The following RPH3A variants were observed in gnomAD, a reference collection of about 807,000 sequenced individuals.
RPH3A encodes the protein rabphilin 3A, also known as rabphilin-3A.
RPH3A carries 48 observed loss-of-function variants against 102.2 expected under a neutral mutation model. That is an observed-to-expected ratio of 0.47 (90% CI 0.37 to 0.60). The LOEUF is 0.60. Ranked by LOEUF, RPH3A falls within the 20% of genes least tolerant of loss-of-function variation. RPH3A has a pLI of 0.00. For synonymous variants in RPH3A, 310 were observed against 324.3 expected, an observed-to-expected ratio of 0.96 and a Z score of 0.47; for missense variants, 781 against 910.1, an observed-to-expected ratio of 0.86 and a Z score of 1.83.
intron 1 of RPH3A, among the ~76,000 whole-genome samples, chr12:112,706,843 A>G (rs1249547851): frequency 6.6e-6 from 1 of 152,188 alleles, no homozygotes; most frequent in Non-Finnish European, 1.5e-5. Flanking sequence ...AACAGACTTA[A>G]GCTTACTCCT....
intron 1 of RPH3A, among the ~76,000 whole-genome samples, chr12:112,688,549 C>A (rs765799434): frequency 6.6e-6 from 1 of 152,046 alleles, no homozygotes; most frequent in East Asian, 1.9e-4. Context: ...AACACACATA[C>A]CTGTTAAAGC....
chr12:112,765,923 T>C (rs945604203), intron 1 of RPH3A, among the ~76,000 whole-genome samples: 1 of 152,238 alleles, frequency 6.6e-6, no homozygotes, highest in Non-Finnish European at 1.5e-5. Flanking sequence ...GCAGGAACTA[T>C]GGCTGGGCTT....
At chr12:112,777,147 T>C (rs2040974189) in intron 1 of RPH3A, among the ~76,000 whole-genome samples, 1 of 152,188 alleles carries the variant, frequency 6.6e-6, no homozygotes, top group African/African-American at 2.4e-5. Context: ...AGAGATAATA[T>C]TAGCACCTAC....
rs185379127 is a variant in RPH3A at position 112,580,472 on chromosome 12, C to T, written c.-140+5153C>T. ...AGGCTGGAGTGCAGTGGCGCGATCT[C>T]GGCTCACTGCAAGCTCCGCCTCCCG... On this transcript the variant is annotated intron_variant, in intron 1 of 21. Coordinates refer to the RPH3A transcript ENST00000543106. Among the ~76,000 whole-genome samples the T allele has an allele frequency of 6.0e-3, 852 of 141,482 alleles. 11 individuals carry two copies. The highest frequency in any genetic ancestry group is 0.021 in the African/African-American group (801 of 38,420). The allele number at this position is 141,482 out of a possible 152,430, so 92.8% of individuals were successfully genotyped here.
At chr12:112,667,212 T>C (rs917317255) in intron 1 of RPH3A, among the ~76,000 whole-genome samples, 1 of 152,214 alleles carries the variant, frequency 6.6e-6, no homozygotes, top group Non-Finnish European at 1.5e-5. Context: ...TTTTAAATGC[T>C]ATGGATGTGC....
intron 4 of RPH3A, among the ~76,000 whole-genome samples, chr12:112,838,575 G>A (rs1402608896): frequency 6.6e-6 from 1 of 152,180 alleles, no homozygotes; most frequent in African/African-American, 2.4e-5. Context: ...GGAAGGGAGG[G>A]GGAGAAGAAG....
At chr12:112,713,775 T>A (rs1565857898) in intron 1 of RPH3A, among the ~76,000 whole-genome samples, 1 of 152,136 alleles carries the variant, frequency 6.6e-6, no homozygotes, top group South Asian at 2.1e-4. Context: ...ACTCAAGGGA[T>A]GGTGTAAGTG....
intron 1 of RPH3A, among the ~76,000 whole-genome samples, chr12:112,606,688 A>C (rs905616459): frequency 6.6e-6 from 1 of 152,198 alleles, no homozygotes; most frequent in Non-Finnish European, 1.5e-5. Context: ...AGGGCTCAGG[A>C]AACTTACAAT....
intron 2 of RPH3A, among the ~76,000 whole-genome samples, chr12:112,810,358 C>T (rs1022709600): frequency 6.6e-6 from 1 of 152,240 alleles, no homozygotes; most frequent in African/African-American, 2.4e-5. Context: ...TCACCCTTAG[C>T]TCGCTGCAGA....
chr12:112,684,831 G>C (rs1466024564), intron 1 of RPH3A, among the ~76,000 whole-genome samples: 1 of 152,160 alleles, frequency 6.6e-6, no homozygotes, highest in African/African-American at 2.4e-5. Flanking sequence ...ATTGCTCACA[G>C]GTCTGTAGGC....
At chr12:112,667,932 G>A (rs2040099574) in intron 1 of RPH3A, among the ~76,000 whole-genome samples, 1 of 152,138 alleles carries the variant, frequency 6.6e-6, no homozygotes, top group African/African-American at 2.4e-5. Flanking sequence ...TTGAATGAAT[G>A]GATGGCAAGT....
intron 1 of RPH3A, among the ~76,000 whole-genome samples, chr12:112,761,286 A>T (rs2136066822): frequency 6.6e-6 from 1 of 152,340 alleles, no homozygotes. Flanking sequence ...ATTTACATCA[A>T]CAGAGAGCAA....
chr12:112,650,280 T>A (rs2039964313), intron 1 of RPH3A, among the ~76,000 whole-genome samples: 1 of 152,188 alleles, frequency 6.6e-6, no homozygotes, highest in African/African-American at 2.4e-5. Context: ...AATGATTCAA[T>A]GAAGGTCACA....
At chr12:112,707,165 T>A (rs1000388801) in intron 1 of RPH3A, among the ~76,000 whole-genome samples, 2 of 151,818 alleles carry the variant, frequency 1.3e-5, no homozygotes, top group African/African-American at 4.8e-5. Context: ...TTGAAGAGAG[T>A]CTTTTGATGC....
intron 1 of RPH3A, among the ~76,000 whole-genome samples, chr12:112,672,230 G>A (rs1245738904): frequency 3.3e-5 from 5 of 152,058 alleles, no homozygotes; most frequent in Non-Finnish European, 7.4e-5. Flanking sequence ...GCAATCTGGA[G>A]GAAGAATTTC....
intron 1 of RPH3A, among the ~76,000 whole-genome samples, chr12:112,702,729 C>T (rs2040403385): frequency 1.3e-5 from 2 of 152,188 alleles, no homozygotes; most frequent in South Asian, 4.1e-4. Context: ...CAAGGAGCCC[C>T]CCAAAAATGT....
At chr12:112,785,307 AT>A (rs528437726) in intron 1 of RPH3A, among the ~76,000 whole-genome samples, 70 of 151,668 alleles carry the variant, frequency 4.6e-4, no homozygotes, top group African/African-American at 1.6e-3. Context: ...CAGAGGAATG[AT>A]TTCAGGACTG....
At chr12:112,856,138 G>A (rs1171441902) in intron 5 of RPH3A, among the ~76,000 whole-genome samples, 2 of 152,186 alleles carry the variant, frequency 1.3e-5, no homozygotes, top group East Asian at 1.9e-4. Flanking sequence ...CCATCACACT[G>A]GGGCAAGCAG....
intron 1 of RPH3A, among the ~76,000 whole-genome samples, chr12:112,601,695 G>A (rs1277144841): frequency 6.6e-6 from 1 of 152,186 alleles, no homozygotes; most frequent in African/African-American, 2.4e-5. Context: ...ACTTTGGGAG[G>A]CCGAGGTGGG....
Sources: gnomAD v4.1 joint callset for allele counts (sites outside exome capture counted in the v4.1 genomes callset) on GRCh38, gnomAD v4.1.1 for gene constraint, MANE v1.5 for transcripts, NCBI Gene and HGNC (gene_info 2026-07-23, HGNC 2026-07-21) for gene names.